Variants in IL4I1 observed in about 807,000 individuals in gnomAD.
IL4I1 encodes the protein interleukin 4 induced 1, also known as L-amino-acid oxidase.
A neutral mutation model predicts 29.7 loss-of-function variants in IL4I1; 24 were observed. The observed-to-expected ratio is 0.81, with a 90% CI of 0.59 to 1.14. The LOEUF is 1.14. Ranked by LOEUF, IL4I1 falls within the 50% of genes most tolerant of loss-of-function variation. The pLI is 0.00. For missense variants in IL4I1, 686 were observed against 785.6 expected, an observed-to-expected ratio of 0.87 and a Z score of 1.52; for synonymous variants, 371 against 352.5, an observed-to-expected ratio of 1.05 and a Z score of -0.59.
upstream of IL4I1, among the ~76,000 whole-genome samples, chr19:49,899,644 C>T (rs1428642727): frequency 1.3e-5 from 2 of 151,960 alleles, no homozygotes; most frequent in African/African-American, 4.8e-5. Context: ...GCAAGCTCCA[C>T]CTCCTGGGTT....
intron 5 of IL4I1, among the ~76,000 whole-genome samples, chr19:49,893,710 C>T (rs963844173): frequency 6.6e-6 from 1 of 151,606 alleles, no homozygotes; most frequent in African/African-American, 2.4e-5. Flanking sequence ...GAGTTGGGGC[C>T]GGGGGCAGTG....
chr19:49,898,038 C>T (rs1050024765), upstream of IL4I1, among the ~76,000 whole-genome samples: 1 of 152,064 alleles, frequency 6.6e-6, no homozygotes, highest in Admixed American at 6.5e-5. Context: ...AAAATAGTGA[C>T]GAGGGCCAGG....
At chr19:49,890,929 G>GCCGGGCC in intron 7 of IL4I1, 42 bp downstream of exon 7, 2 of 454,452 alleles carry the variant, frequency 4.4e-6, no homozygotes, top group Non-Finnish European at 7.1e-6. Context: ...TTCCCTGATT[G>GCCGGGCC]CCCCCCGCCC....
intron 2 of IL4I1, among the ~76,000 whole-genome samples, chr19:49,920,316 T>A (rs188766929): frequency 2.6e-5 from 4 of 152,238 alleles, no homozygotes; most frequent in Admixed American, 2.6e-4. Context: ...CTCTCGACCT[T>A]GAGATCCGCC....
At chr19:49,908,135 A>G in intron 2 of IL4I1, 2 of 1,522,982 alleles carry the variant, frequency 1.3e-6, no homozygotes, top group Non-Finnish European at 1.8e-6. Flanking sequence ...TGAAAGAAAG[A>G]AACAAACAAA....
intron 2 of IL4I1, among the ~76,000 whole-genome samples, chr19:49,919,809 A>AAGAAC (rs5828421): frequency 7.1e-4 from 108 of 151,792 alleles, no homozygotes; most frequent in African/African-American, 2.3e-3. Context: ...CTTAATATAA[A>AAGAAC]AGGACTGGAA....
chr19:49,917,155 G>C (rs985837149), intron 2 of IL4I1, among the ~76,000 whole-genome samples: 6 of 152,226 alleles, frequency 3.9e-5, no homozygotes, highest in Non-Finnish European at 1.5e-5. Flanking sequence ...GAGAGTGAGG[G>C]AGTGGAGAGG....
chr19:49,908,370 C>T (rs61751953), intron 2 of IL4I1: 28 of 1,614,202 alleles, frequency 1.7e-5, no homozygotes, highest in East Asian at 4.5e-5. Context: ...TCCATGTGCG[C>T]ATTGAGGATC....
chr19:49,901,497 T>G (rs1012335653), upstream of IL4I1: 3 of 491,522 alleles, frequency 6.1e-6, no homozygotes, highest in African/African-American at 2.0e-5. Flanking sequence ...CAGGCCCAGA[T>G]TGGGGAAGGG....
Position 49,896,011 on chromosome 19 carries a change from A to T in IL4I1, c.56T>A (p.Val19Glu). 6.2e-7 allele frequency: 1 copy of T among 1,614,170 alleles called. No individual in the cohort carries two copies. Among genetic ancestry groups the T allele is most frequent in the South Asian group, 1.1e-5 (1 of 91,084 alleles). The change falls in exon 3 of 8, where the codon GTG becomes GAG. Residue 19 changes from valine to glutamate, a missense_variant. Val to Glu is a moderately radical substitution (Grantham distance 121). Transcript: ENST00000391826. ...TTCAGCCTTCCAGTCCTGGGAGGCC[A>T]CCAGGCTGAGGAGGATGGGGACGAG... is the stretch of plus-strand genomic sequence containing the variant. ...LVLVPILLSL[V>E]ASQDWKAERS...
At chr19:49,912,196 G>T (rs569433370) in intron 2 of IL4I1, among the ~76,000 whole-genome samples, 5 of 138,720 alleles carry the variant, frequency 3.6e-5, no homozygotes, top group Non-Finnish European at 7.6e-5. Flanking sequence ...TGAGACGGGA[G>T]TCTCGCTCTG....
Position 49,914,726 on chromosome 19 carries a change from G to GTTTTGTT in IL4I1, c.-227-10406_-227-10405insAACAAAA, listed in dbSNP as rs2075575701. Among the ~76,000 whole-genome samples the GTTTTGTT allele has an allele frequency of 8.9e-5, 5 of 56,404 alleles. 1 individual carries two copies. Among genetic ancestry groups the GTTTTGTT allele is most frequent in the Non-Finnish European group, 9.6e-5 (3 of 31,322 alleles). 37.0% of individuals were successfully genotyped at this position (56,404 alleles called of 152,430 possible). A position where few individuals can be genotyped will look rare whatever the true frequency, so the allele number is the denominator to read the frequency against. ...GATTCTTGTGCCACTCCAAGTCCCA[G>GTTTTGTT]TTTTTTTTTTTTTTTTTTTTTTTTT... On this transcript the variant is annotated intron_variant, in intron 2 of 9. Transcript: ENST00000341114.
chr19:49,901,970 A>G, intron 3 of IL4I1: 1 of 286,386 alleles, frequency 3.5e-6, no homozygotes, highest in East Asian at 5.9e-5. Context: ...CTCTCACTGG[A>G]TTTATTTTAG....
intron 2 of IL4I1, chr19:49,906,722 G>C (rs1267338883): frequency 1.3e-5 from 2 of 152,214 alleles, no homozygotes; most frequent in Non-Finnish European, 2.9e-5. Context: ...TCATTTGCTT[G>C]CCTGTGCGTT....
upstream of IL4I1, among the ~76,000 whole-genome samples, chr19:49,900,776 G>A (rs966756028): frequency 4.6e-5 from 7 of 152,180 alleles, no homozygotes; most frequent in Admixed American, 6.5e-5. Flanking sequence ...AGCTGGTTTG[G>A]GGGTATTCTG....
intron 2 of IL4I1, chr19:49,907,350 C>T (rs186984993): frequency 7.6e-5 from 24 of 313,992 alleles, no homozygotes; most frequent in Admixed American, 2.4e-4. Context: ...GCAGGCCTCT[C>T]GGCGCCCATC....
intron 3 of IL4I1, 105 bp downstream of exon 3, chr19:49,895,710 C>T: frequency 1.1e-6 from 1 of 881,626 alleles, no homozygotes; most frequent in Non-Finnish European, 1.7e-6. Context: ...CCCCCACATC[C>T]CCACCTCCAC....
chr19:49,894,205 C>T lies in IL4I1; in HGVS notation c.567+63G>A, dbSNP rs540804899. 25 of 1,507,320 alleles carry T rather than the reference C, an allele frequency of 1.7e-5. No individual in the cohort carries two copies. In the Admixed American group the frequency reaches 2.5e-4, roughly 15 times the overall value. 93.4% of individuals were successfully genotyped at this position (1,507,320 alleles called of 1,614,324 possible). Reference sequence around the variant, plus strand: ...ATGCCAGAGAGAAGAAAAGCCGGGCCGGGGCGAGCTTAGGAGGAGGACAGA... The same window carrying T: ...ATGCCAGAGAGAAGAAAAGCCGGGCTGGGGCGAGCTTAGGAGGAGGACAGA... On this transcript the variant is annotated intron_variant, in intron 5 of 7. Transcript: ENST00000391826.
At position 49,894,297 on chromosome 19, in the gene IL4I1, C is replaced by G. The variant is rs778722296; in HGVS notation, c.538G>C (p.Glu180Gln). 102 of 1,613,878 alleles carry G rather than the reference C, an allele frequency of 6.3e-5. No homozygotes were observed. Among genetic ancestry groups the G allele is most frequent in the Non-Finnish European group, 6.6e-5 (78 of 1,179,956 alleles). Residue 180 changes from glutamate (E) to glutamine (Q), a missense_variant, in exon 5 of 8, where the codon GAA (glutamate) becomes CAA (glutamine). By Grantham distance (29) the Glu-to-Gln change is conservative (BLOSUM62 2). Coordinates refer to ENST00000391826, the MANE Select transcript of IL4I1 (RefSeq NM_152899.2). ...LRPQEKGHSP[E>Q]DIYQMALNQA... ...TTGAGAGCCATCTGGTAGATGTCTT[C>G]GGGCGAGTGGCCCTTTTCCTGGGGA...
Sources: allele counts gnomAD v4.1 joint callset (sites outside exome capture counted in the v4.1 genomes callset), GRCh38; gene constraint gnomAD v4.1.1; transcripts MANE v1.5; gene names NCBI Gene and HGNC (gene_info 2026-07-23, HGNC 2026-07-21).